The following ARID1B variants were observed in gnomAD, a reference collection of about 807,000 sequenced individuals.
ARID1B encodes AT-rich interactive domain-containing protein 1B.
Under a neutral mutation model 212.3 loss-of-function variants are expected in ARID1B, and 30 were observed. The ratio of observed to expected loss-of-function variants is 0.14; its 90% CI spans 0.11 to 0.19. The LOEUF (loss-of-function observed/expected upper bound fraction) is 0.19. Ranked by LOEUF, ARID1B falls within the 10% of genes least tolerant of loss-of-function variation. ARID1B has a pLI of 1.00. For missense variants in ARID1B, 2,891 were observed against 3,204.0 expected (o/e 0.90, Z 2.36); for synonymous variants, 1,402 against 1,301.7 (o/e 1.08, Z -1.66).
intron 1 of ARID1B, among the ~76,000 whole-genome samples, chr6:156,808,624 A>T (rs924329852): frequency 4.6e-5 from 7 of 152,172 alleles, no homozygotes; most frequent in Non-Finnish European, 7.4e-5. Flanking sequence ...GCTAAAATTG[A>T]ATATATATAA....
chr6:157,151,853 C>T (rs1434169265), intron 8 of ARID1B: 1 of 152,182 alleles, frequency 6.6e-6, no homozygotes, highest in Non-Finnish European at 1.5e-5. Flanking sequence ...GAATGCCTGA[C>T]AGAGCTTTTT....
intron 9 of ARID1B, 28 bp from the exon 10 acceptor site, chr6:157,173,980 C>T: frequency 1.3e-6 from 2 of 1,591,076 alleles, no homozygotes; most frequent in Non-Finnish European, 8.6e-7. Flanking sequence ...ACATATAATC[C>T]TAAACTCTTT....
At chr6:157,034,784 A>G (rs1368089696) in intron 4 of ARID1B, among the ~76,000 whole-genome samples, 2 of 152,214 alleles carry the variant, frequency 1.3e-5, no homozygotes, top group African/African-American at 4.8e-5. Context: ...GATTTTCTGT[A>G]GTTGCTGATA....
At chr6:156,867,719 T>C (rs530329815) in intron 2 of ARID1B, among the ~76,000 whole-genome samples, 1 of 152,336 alleles carries the variant, frequency 6.6e-6, no homozygotes, top group Admixed American at 6.5e-5. Context: ...ACTTCTGGTG[T>C]GACTTTTAAA....
intron 3 of ARID1B, among the ~76,000 whole-genome samples, chr6:156,905,250 G>GCGCACACA (rs1554265935): frequency 1.1e-4 from 16 of 143,836 alleles, no homozygotes; most frequent in African/African-American, 3.7e-4. Flanking sequence ...ACATATGCAC[G>GCGCACACA]CACACACACA....
intron 4 of ARID1B, among the ~76,000 whole-genome samples, chr6:156,983,697 C>T (rs964378242): frequency 1.3e-5 from 2 of 152,012 alleles, no homozygotes; most frequent in Non-Finnish European, 2.9e-5. Flanking sequence ...TACTGTGTGG[C>T]CATTTCACAA....
intron 5 of ARID1B, among the ~76,000 whole-genome samples, chr6:157,097,649 A>G (rs1410591547): frequency 6.6e-6 from 1 of 152,140 alleles, no homozygotes; most frequent in Non-Finnish European, 1.5e-5. Flanking sequence ...GGCGAGTGAA[A>G]CTTTGATTAA....
In ARID1B at chr6:157,201,095, G is replaced by T. The variant is rs768210321; in HGVS notation, c.4870G>T (p.Val1624Leu). The change falls in exon 18 of 20, where the codon GTA (valine) becomes TTA (leucine). Residue 1624 changes from valine to leucine, a missense_variant. Val to Leu is a conservative substitution (Grantham distance 32). Transcript: ENST00000636930. This position sits in a 1 kb window ranked among gnomAD's most constrained non-coding sequence, Gnocchi z 5.2. ...CATGAACCGCACAGACGATATGATGGTACCCGATCAGAGGATAAATCATGA... is the reference window on the plus strand; with the variant it reads ...CATGAACCGCACAGACGATATGATGTTACCCGATCAGAGGATAAATCATGA... ...PGMNRTDDMM[V>L]PDQRINHESQ... The T allele has an allele frequency of 3.7e-6, 6 of 1,614,042 alleles. No homozygotes were observed. Among genetic ancestry groups the T allele is most frequent in the Non-Finnish European group, 5.1e-6 (6 of 1,180,032 alleles).
In ARID1B at chr6:156,942,619, G is replaced by GA. The variant is rs901945300; in HGVS notation, c.2247+7056dup. 9.7e-3 allele frequency: 1,343 copies of GA among 138,708 alleles called. 18 individuals are homozygous for GA. Among genetic ancestry groups the GA allele is most frequent in the African/African-American group, 0.028 (1,067 of 38,024 alleles). The allele number at this position is 138,708 out of a possible 1,614,324, so 8.6% of individuals were successfully genotyped here. A position where few individuals can be genotyped will look rare whatever the true frequency, so the allele number is the denominator to read the frequency against. On this transcript the variant is annotated intron_variant, in intron 4 of 19. Transcript: ENST00000636930. ...AACTTTTTATTTTTTATGCTAAAAAGAAAAAAAAAAAAACACATGACTCTA... is the reference window on the plus strand; with the variant it reads ...AACTTTTTATTTTTTATGCTAAAAAGAAAAAAAAAAAAAACACATGACTCTA...
chr6:156,783,105 C>T (rs1779393722), intron 1 of ARID1B, among the ~76,000 whole-genome samples: 1 of 151,756 alleles, frequency 6.6e-6, no homozygotes, highest in Non-Finnish European at 1.5e-5. Flanking sequence ...TAATGAGGAA[C>T]CTTAACCCCT....
At chr6:156,966,396 T>TC (rs1562516415) in intron 4 of ARID1B, among the ~76,000 whole-genome samples, 2 of 129,906 alleles carry the variant, frequency 1.5e-5, no homozygotes, top group African/African-American at 6.7e-5. Context: ...CTTTTTTTTT[T>TC]TTTTTTTTTT....
At chr6:156,790,179 T>C (rs1779916704) in intron 1 of ARID1B, among the ~76,000 whole-genome samples, 1 of 152,246 alleles carries the variant, frequency 6.6e-6, no homozygotes, top group Non-Finnish European at 1.5e-5. Flanking sequence ...AGCAGTCATA[T>C]TTTTAACTGG....
chr6:157,023,966 C>T (rs1321528086), intron 4 of ARID1B: 3 of 152,210 alleles, frequency 2.0e-5, no homozygotes, highest in African/African-American at 7.2e-5. Context: ...TTTAAACTTT[C>T]ACCAATTTAC....
chr6:157,175,684 T>C (rs991780065), intron 11 of ARID1B: 1 of 152,190 alleles, frequency 6.6e-6, no homozygotes, highest in South Asian at 2.1e-4. Flanking sequence ...TTGTATGATA[T>C]ATAAATTATA....
chr6:156,840,231 C>G (rs1374323696), intron 2 of ARID1B, among the ~76,000 whole-genome samples: 1 of 152,180 alleles, frequency 6.6e-6, no homozygotes. Flanking sequence ...TTTGCGTTTC[C>G]TTTTCCTCCT....
At chr6:156,911,183 G>C (rs555553089) in intron 3 of ARID1B, among the ~76,000 whole-genome samples, 1 of 152,146 alleles carries the variant, frequency 6.6e-6, no homozygotes, top group African/African-American at 2.4e-5. Context: ...ATGAGCAACT[G>C]TTGGCAAAGT....
intron 4 of ARID1B, chr6:156,939,934 G>A (rs576988424): frequency 2.0e-5 from 3 of 152,228 alleles, no homozygotes; most frequent in East Asian, 1.9e-4. Flanking sequence ...CATGTATAAA[G>A]GGAAGTAAAC....
At chr6:157,041,550 T>C (rs1053494736) in intron 4 of ARID1B, among the ~76,000 whole-genome samples, 6 of 152,244 alleles carry the variant, frequency 3.9e-5, no homozygotes, top group African/African-American at 1.4e-4. Flanking sequence ...TTCTTCATCT[T>C]CTGATTAGGT....
At chr6:156,960,493 A>C (rs1311149035) in intron 4 of ARID1B, among the ~76,000 whole-genome samples, 1 of 152,246 alleles carries the variant, frequency 6.6e-6, no homozygotes, top group Non-Finnish European at 1.5e-5. Flanking sequence ...TTTGCTTTTG[A>C]CAAAGTATTG....
Sources: allele counts gnomAD v4.1 joint callset (sites outside exome capture counted in the v4.1 genomes callset), GRCh38; gene constraint gnomAD v4.1.1; non-coding constraint Gnocchi (gnomAD v3.1); transcripts MANE v1.5; gene names NCBI Gene and HGNC (gene_info 2026-07-23, HGNC 2026-07-21).